The following TBC1D22A variants were observed in gnomAD, a reference collection of about 807,000 sequenced individuals.
TBC1D22A encodes TBC1 domain family member 22A, also known as putative GTPase activator.
A neutral mutation model predicts 60.2 loss-of-function variants in TBC1D22A; 38 were observed. The observed-to-expected ratio is 0.63, with a 90% confidence interval of 0.49 to 0.83. The LOEUF is 0.83. TBC1D22A is among the 40% of genes least tolerant of loss of function. The probability of loss-of-function intolerance (pLI) is 0.00; values close to 1 mark genes in which losing one functional copy is unlikely to be tolerated. For synonymous variants in TBC1D22A, 302 were observed against 281.7 expected (o/e 1.07, Z -0.72); for missense variants, 628 against 701.0 (o/e 0.90, Z 1.18).
At chr22:47,031,524 G>C (rs147869202) in intron 10 of TBC1D22A, among the ~76,000 whole-genome samples, 9 of 152,362 alleles carry the variant, frequency 5.9e-5, no homozygotes, top group Non-Finnish European at 1.3e-4. Context: ...GGGTGCTCTT[G>C]CAGATGTACT....
chr22:47,070,413 A>G (rs189145926), intron 11 of TBC1D22A, among the ~76,000 whole-genome samples: 36 of 123,270 alleles, frequency 2.9e-4, no homozygotes, highest in Non-Finnish European at 5.7e-4. Flanking sequence ...TGACGGTTCC[A>G]GGTTGTTCCC....
At position 46,830,679 on chromosome 22, in the gene TBC1D22A, T is replaced by C. The variant is rs533233646; in HGVS notation, c.637+33059T>C. ...AATGTATAATCCTTTTACAGGGAAG[T>C]GAATCTTCAAGAACAGTGATACAGG... is the stretch of plus-strand genomic sequence containing the variant. On this transcript the variant is annotated intron_variant, in intron 4 of 12. Coordinates refer to ENST00000337137, the MANE Select transcript of TBC1D22A (RefSeq NM_014346.5). 2.0e-5 allele frequency among the ~76,000 whole-genome samples: 3 copies of C among 152,290 alleles called. No individual in the cohort carries two copies. The East Asian group carries it at 5.8e-4, about 29-fold the overall frequency.
intron 11 of TBC1D22A, among the ~76,000 whole-genome samples, chr22:47,058,718 C>T (rs551791094): frequency 1.1e-3 from 169 of 152,288 alleles, no homozygotes; most frequent in African/African-American, 3.8e-3. Flanking sequence ...TCTGCCCCAC[C>T]AGGCTCGCTG....
At chr22:47,023,747 T>G (rs2148347678) in intron 10 of TBC1D22A, among the ~76,000 whole-genome samples, 1 of 152,250 alleles carries the variant, frequency 6.6e-6, no homozygotes, top group Non-Finnish European at 1.5e-5. Flanking sequence ...AAAAGTATCT[T>G]TCAGAGATGG....
intron 11 of TBC1D22A, among the ~76,000 whole-genome samples, chr22:47,103,077 G>A (rs142769569): frequency 2.8e-3 from 420 of 152,280 alleles, no homozygotes; most frequent in African/African-American, 9.3e-3. Context: ...AAAGAGGTAC[G>A]TTGCTCTAGG....
intron 8 of TBC1D22A, among the ~76,000 whole-genome samples, chr22:46,916,253 G>A (rs2070360830): frequency 6.6e-6 from 1 of 152,200 alleles, no homozygotes; most frequent in Admixed American, 6.5e-5. Context: ...TCTTCAGCAG[G>A]AGGCTGGCCA....
intron 8 of TBC1D22A, among the ~76,000 whole-genome samples, chr22:46,936,258 G>A (rs1044748562): frequency 1.3e-5 from 2 of 152,118 alleles, no homozygotes; most frequent in South Asian, 4.1e-4. Context: ...AGTGTGGTGG[G>A]TCCTCCTGGG....
chr22:47,032,824 G>C (rs953973792), intron 10 of TBC1D22A, among the ~76,000 whole-genome samples: 3 of 152,216 alleles, frequency 2.0e-5, no homozygotes, highest in Admixed American at 6.5e-5. Flanking sequence ...AGACGTCCAC[G>C]CAGAGCTGTG....
In TBC1D22A at chr22:47,108,667, A is replaced by G. The variant is rs913860974; in HGVS notation, c.1330-2841A>G. ...TGCGTATATCAAAACTTATCAAATT[A>G]TAAACTTGAAATATGTAAACATGTT... On this transcript the variant is annotated intron_variant, in intron 11 of 12. Transcript: ENST00000337137. Among the ~76,000 whole-genome samples, 39 of 152,224 alleles carry G rather than the reference A, an allele frequency of 2.6e-4. 1 individual carries two copies. The highest frequency in any genetic ancestry group is 2.4e-3 in the Admixed American group (36 of 15,286).
intron 8 of TBC1D22A, among the ~76,000 whole-genome samples, chr22:46,966,374 T>C (rs1427477440): frequency 6.6e-6 from 1 of 152,208 alleles, no homozygotes; most frequent in African/African-American, 2.4e-5. Flanking sequence ...CCCATGAGTC[T>C]GTGAGTCAGA....
chr22:46,984,405 A>AAAAAAAAAAAAAAAAAAAAAAAAG (rs1569304186), intron 9 of TBC1D22A, among the ~76,000 whole-genome samples: 3 of 135,242 alleles, frequency 2.2e-5, no homozygotes, highest in Non-Finnish European at 3.1e-5. Context: ...AAAAAAAAAA[A>AAAAAAAAAAAAAAAAAAAAAAAAG]AGAGAAGTTC....
At chr22:47,015,030 A>G (rs2061862944) in intron 10 of TBC1D22A, among the ~76,000 whole-genome samples, 1 of 152,220 alleles carries the variant, frequency 6.6e-6, no homozygotes, top group Non-Finnish European at 1.5e-5. Flanking sequence ...ATTTGGACCC[A>G]TAGGTTCACC....
chr22:47,079,084 C>CATTTTTT (rs1556117651), intron 11 of TBC1D22A, among the ~76,000 whole-genome samples: 7 of 124,932 alleles, frequency 5.6e-5, no homozygotes, highest in African/African-American at 6.0e-5. Context: ...GTAGAGCAGA[C>CATTTTTT]TTTTTTTTTT....
intron 1 of TBC1D22A, among the ~76,000 whole-genome samples, chr22:46,782,095 C>A (rs920748028): frequency 1.3e-5 from 2 of 152,240 alleles, no homozygotes; most frequent in Admixed American, 1.3e-4. Flanking sequence ...CACTCTGTCG[C>A]CTAGGCTGGT....
chr22:47,170,172 C>T (rs1268932653), intron 12 of TBC1D22A, among the ~76,000 whole-genome samples: 1 of 152,162 alleles, frequency 6.6e-6, no homozygotes, highest in East Asian at 1.9e-4. Context: ...ATAGATTTTT[C>T]CTTCTTTAGC....
At chr22:47,038,603 C>CG (rs1413138666) in intron 11 of TBC1D22A, among the ~76,000 whole-genome samples, 1 of 152,202 alleles carries the variant, frequency 6.6e-6, no homozygotes, top group East Asian at 1.9e-4. Context: ...TTGTGTGAGT[C>CG]ATCTAGAACA....
At chr22:47,134,004 T>C (rs948437405) in intron 12 of TBC1D22A, among the ~76,000 whole-genome samples, 9 of 152,160 alleles carry the variant, frequency 5.9e-5, no homozygotes, top group African/African-American at 2.2e-4. Flanking sequence ...AGGTCCCCTG[T>C]GTCCACTCCA....
chr22:47,115,031 T>G (rs1381972434), intron 12 of TBC1D22A, among the ~76,000 whole-genome samples: 74 of 5,400 alleles, frequency 0.014, no homozygotes, highest in African/African-American at 0.052. Context: ...CAGGGAGTGG[T>G]GGGGCGGGGC....
chr22:46,781,139 TG>T (rs1214591639), intron 1 of TBC1D22A, among the ~76,000 whole-genome samples: 4 of 102,012 alleles, frequency 3.9e-5, no homozygotes, highest in South Asian at 3.1e-4. Flanking sequence ...CTCCCAATTT[TG>T]TTTTTTTTTT....
Sources: gnomAD v4.1 joint callset for allele counts (sites outside exome capture counted in the v4.1 genomes callset) on GRCh38, gnomAD v4.1.1 for gene constraint, MANE v1.5 for transcripts, NCBI Gene and HGNC (gene_info 2026-07-23, HGNC 2026-07-21) for gene names.